PTPRT: variants seen among roughly 807,000 people sequenced by gnomAD.
PTPRT encodes the protein receptor-type tyrosine-protein phosphatase T.
PTPRT carries 56 observed loss-of-function variants against 176.8 expected under a neutral mutation model. The observed-to-expected ratio is 0.32, with a 90% CI of 0.26 to 0.40. The LOEUF is 0.40. Ranked by LOEUF, PTPRT falls within the 10% of genes least tolerant of loss-of-function variation. The pLI is 1.00. For missense variants in PTPRT, 1,540 were observed against 1,908.2 expected, an observed-to-expected ratio of 0.81 and a Z score of 3.60; for synonymous variants, 783 against 739.0, an observed-to-expected ratio of 1.06 and a Z score of -0.96.
intron 1 of PTPRT, among the ~76,000 whole-genome samples, chr20:42,955,958 G>A (rs1013754141): frequency 2.6e-5 from 4 of 152,162 alleles, no homozygotes; most frequent in African/African-American, 4.8e-5. Flanking sequence ...TTGGGCACAC[G>A]GCAGTGTGGA....
chr20:42,733,147 TG>T (rs1027632003), intron 6 of PTPRT, among the ~76,000 whole-genome samples: 16 of 152,296 alleles, frequency 1.1e-4, no homozygotes, highest in African/African-American at 3.8e-4. Context: ...TCTCTAGACA[TG>T]GGGTTTAACC....
At chr20:42,623,723 T>G (rs1328405524) in intron 7 of PTPRT, among the ~76,000 whole-genome samples, 1 of 152,096 alleles carries the variant, frequency 6.6e-6, no homozygotes, top group Non-Finnish European at 1.5e-5. Flanking sequence ...GGACCCCTTG[T>G]TTTAGCCAAC....
chr20:43,110,300 A>G (rs993895215), intron 1 of PTPRT, among the ~76,000 whole-genome samples: 4 of 152,242 alleles, frequency 2.6e-5, no homozygotes, highest in African/African-American at 7.2e-5. Context: ...TAATCCATTC[A>G]TGAGGGATCA....
At chr20:42,366,265 A>T (rs1333595090) in intron 9 of PTPRT, among the ~76,000 whole-genome samples, 4 of 152,182 alleles carry the variant, frequency 2.6e-5, no homozygotes, top group Non-Finnish European at 5.9e-5. Context: ...CTGAGTGCCC[A>T]TTGGCAGATG....
chr20:42,407,115 T>C (rs1237712290), intron 9 of PTPRT, among the ~76,000 whole-genome samples: 1 of 152,162 alleles, frequency 6.6e-6, no homozygotes, highest in African/African-American at 2.4e-5. Flanking sequence ...GGTAAGACTA[T>C]GGGCGTACCA....
chr20:42,673,093 A>T (rs2075440188), intron 7 of PTPRT, among the ~76,000 whole-genome samples: 1 of 152,218 alleles, frequency 6.6e-6, no homozygotes, highest in Non-Finnish European at 1.5e-5. Context: ...TCAAGAGGAC[A>T]CTTGTGGGCA....
intron 12 of PTPRT, among the ~76,000 whole-genome samples, chr20:42,300,841 A>G (rs2057456540): frequency 1.3e-5 from 2 of 151,206 alleles, no homozygotes; most frequent in Non-Finnish European, 2.9e-5. Flanking sequence ...CATCATTCTC[A>G]GTAAAATATC....
At chr20:42,448,099 T>G in intron 9 of PTPRT, 121 bp downstream of exon 9, 1 of 784,690 alleles carries the variant, frequency 1.3e-6, no homozygotes, top group Non-Finnish European at 2.2e-6. Context: ...GTCAGAAACC[T>G]TTTGGTATGT....
intron 2 of PTPRT, among the ~76,000 whole-genome samples, chr20:42,876,184 T>C (rs1222950570): frequency 1.3e-5 from 2 of 152,146 alleles, no homozygotes; most frequent in Non-Finnish European, 2.9e-5. Flanking sequence ...AATAAATATA[T>C]AATATTTTGT....
At chr20:42,423,516 AAGCCTCTTTATTT>A (rs2059139173) in intron 9 of PTPRT, among the ~76,000 whole-genome samples, 1 of 152,176 alleles carries the variant, frequency 6.6e-6, no homozygotes, top group African/African-American at 2.4e-5. Context: ...CTTCCAGCTG[AAGCCTCTTTATTT>A]CCAGCCCCTT....
At chr20:42,209,687 G>A (rs867937755) in intron 15 of PTPRT, among the ~76,000 whole-genome samples, 2,182 of 152,268 alleles carry the variant, frequency 0.014, 46 homozygotes, top group African/African-American at 0.051. Context: ...TCCAGGACCA[G>A]ATAGATTCAC....
chr20:42,254,526 A>AT (rs1164676890), intron 13 of PTPRT, among the ~76,000 whole-genome samples: 2 of 152,134 alleles, frequency 1.3e-5, no homozygotes, highest in African/African-American at 2.4e-5. Context: ...GATGAGACCT[A>AT]TTTTTTGCCT....
chr20:42,354,909 T>A (rs1457757291), intron 9 of PTPRT, among the ~76,000 whole-genome samples: 1 of 151,864 alleles, frequency 6.6e-6, no homozygotes, highest in African/African-American at 2.4e-5. Flanking sequence ...GGAGGAAAAA[T>A]GCAGGGAGCT....
chr20:42,205,452 T>G (rs1414476946), intron 15 of PTPRT, among the ~76,000 whole-genome samples: 1 of 152,186 alleles, frequency 6.6e-6, no homozygotes, highest in Non-Finnish European at 1.5e-5. Flanking sequence ...CTGCCCTGTT[T>G]GGCTTTTGCA....
intron 1 of PTPRT, chr20:42,966,307 A>G (rs1439097777): frequency 6.6e-6 from 1 of 152,208 alleles, no homozygotes; most frequent in Non-Finnish European, 1.5e-5. Context: ...GCTTACCTTA[A>G]TTAGCATGCC....
chr20:42,515,093 A>T (rs2072035918), intron 7 of PTPRT, among the ~76,000 whole-genome samples: 1 of 152,284 alleles, frequency 6.6e-6, no homozygotes, highest in East Asian at 1.9e-4. Flanking sequence ...AATAATCAAC[A>T]TCTTAAACAC....
chr20:42,106,983 C>T, intron 23 of PTPRT, 62 bp from the exon 24 acceptor site: 2 of 1,577,634 alleles, frequency 1.3e-6, no homozygotes, highest in Non-Finnish European at 1.7e-6. Flanking sequence ...CTGGGGAGGC[C>T]CCTAGCATTC....
chr20:43,118,588 C>T (rs530974771), intron 1 of PTPRT, among the ~76,000 whole-genome samples: 51 of 152,246 alleles, frequency 3.3e-4, no homozygotes, highest in East Asian at 2.5e-3. Context: ...TACAGGCACA[C>T]GCCACCATGC....
At chr20:42,350,239 T>TTTTC (rs1555830475) in intron 11 of PTPRT, among the ~76,000 whole-genome samples, 1 of 138,522 alleles carries the variant, frequency 7.2e-6, no homozygotes, top group Admixed American at 7.6e-5. Context: ...TTTTTTTTTT[T>TTTTC]TTTTTTTGAG....
Sources: gnomAD v4.1 joint callset for allele counts (sites outside exome capture counted in the v4.1 genomes callset) on GRCh38, gnomAD v4.1.1 for gene constraint, MANE v1.5 for transcripts, NCBI Gene and HGNC (gene_info 2026-07-23, HGNC 2026-07-21) for gene names.